Variants in SLC35D1 observed in about 807,000 individuals in gnomAD.
SLC35D1 encodes the protein nucleotide sugar transporter SLC35D1.
A neutral mutation model predicts 46.7 loss-of-function variants in SLC35D1; 31 were observed. The ratio of observed to expected loss-of-function variants is 0.66; its 90% CI spans 0.50 to 0.90. The LOEUF is 0.90. Among genes scored for constraint, SLC35D1 ranks in the 40% least tolerant of loss-of-function variants. SLC35D1 has a pLI of 0.00. For missense variants in SLC35D1, 397 were observed against 426.2 expected (o/e 0.93, Z 0.60); for synonymous variants, 195 against 164.6 (o/e 1.18, Z -1.41).
intron 8 of SLC35D1, chr1:67,031,994 TAA>T (rs1456118300): frequency 1.1e-6 from 1 of 909,848 alleles, no homozygotes; most frequent in Non-Finnish European, 1.3e-6. Flanking sequence ...AAAGCTCTGA[TAA>T]AGAGCCATTG....
chr1:67,049,032 C>T (rs547379252), intron 6 of SLC35D1, among the ~76,000 whole-genome samples: 17 of 152,306 alleles, frequency 1.1e-4, no homozygotes, highest in East Asian at 7.7e-4. Flanking sequence ...CGGTGGCTCA[C>T]GCCTGTAATC....
At chr1:67,016,339 C>A (rs933426950) in intron 10 of SLC35D1, among the ~76,000 whole-genome samples, 2 of 151,988 alleles carry the variant, frequency 1.3e-5, no homozygotes, top group Non-Finnish European at 2.9e-5. Context: ...AGTTTACAAT[C>A]GGTAGAGTCC....
At chr1:67,009,457 G>T (rs1667519491) in intron 10 of SLC35D1, among the ~76,000 whole-genome samples, 3 of 152,138 alleles carry the variant, frequency 2.0e-5, no homozygotes, top group Admixed American at 2.0e-4. Flanking sequence ...TTGGACAAAG[G>T]TCTAATATCC....
chr1:67,006,966 A>C (rs1472386585), intron 11 of SLC35D1, among the ~76,000 whole-genome samples: 2 of 152,198 alleles, frequency 1.3e-5, no homozygotes, highest in Non-Finnish European at 2.9e-5. Flanking sequence ...GACCCTGGGC[A>C]AATTAATTAA....
chr1:67,032,639 C>A (rs1160738246), intron 8 of SLC35D1, among the ~76,000 whole-genome samples: 1 of 152,154 alleles, frequency 6.6e-6, no homozygotes, highest in Non-Finnish European at 1.5e-5. Context: ...CGAGATCGCA[C>A]CATTGCACTC....
At chr1:67,019,032 T>C (rs1570616776) in intron 10 of SLC35D1, among the ~76,000 whole-genome samples, 1 of 152,234 alleles carries the variant, frequency 6.6e-6, no homozygotes, top group East Asian at 1.9e-4. Flanking sequence ...GTTCTTGGAC[T>C]ACTGTGAGGA....
chr1:66,998,393 G>T (rs894391632), downstream of SLC35D1, among the ~76,000 whole-genome samples: 1 of 152,150 alleles, frequency 6.6e-6, no homozygotes, highest in Non-Finnish European at 1.5e-5. Context: ...AGAGGCTAAG[G>T]CAGGAGAATC....
intron 8 of SLC35D1, among the ~76,000 whole-genome samples, chr1:67,028,923 T>C (rs952708560): frequency 6.6e-6 from 1 of 152,196 alleles, no homozygotes; most frequent in Non-Finnish European, 1.5e-5. Flanking sequence ...AGCTTTCTTT[T>C]CTCTTCTCAT....
chr1:67,036,231 T>C (rs537649543), intron 8 of SLC35D1, among the ~76,000 whole-genome samples: 1 of 152,302 alleles, frequency 6.6e-6, no homozygotes, highest in East Asian at 1.9e-4. Flanking sequence ...CCAATGTTTC[T>C]TTGTTGACTT....
intron 10 of SLC35D1, among the ~76,000 whole-genome samples, chr1:67,012,699 A>G (rs1195493813): frequency 6.6e-6 from 1 of 152,194 alleles, no homozygotes; most frequent in African/African-American, 2.4e-5. Flanking sequence ...ATCTGACCTA[A>G]AACAAAGTTA....
intron 6 of SLC35D1, 141 bp from the exon 7 acceptor site, chr1:67,047,508 C>G (rs749277607): frequency 1.7e-4 from 132 of 765,022 alleles, no homozygotes; most frequent in Non-Finnish European, 2.8e-4. Context: ...ACTAGTATTT[C>G]TTGATTTCTG....
At position 67,003,420 on chromosome 1, in the gene SLC35D1, G is replaced by C. The variant is rs191959787; in HGVS notation, c.*920C>G. The C allele has an allele frequency of 2.0e-5, 3 of 152,402 alleles. No individual in the cohort carries two copies. In the East Asian group the frequency reaches 5.7e-4, roughly 29 times the overall value. 9.4% of individuals were successfully genotyped at this position (152,402 alleles called of 1,614,324 possible). A position where few individuals can be genotyped will look rare whatever the true frequency, so the allele number is the denominator to read the frequency against. ...CACTATTGCCGGGTAGGTAGGGCAG[G>C]TGTTCTTAATCCAATTTACAGATTT... On this transcript the variant is annotated 3_prime_UTR_variant, in exon 12 of 12. Coordinates refer to ENST00000235345, the MANE Select transcript of SLC35D1 (RefSeq NM_015139.3).
At chr1:67,020,249 C>A in intron 10 of SLC35D1, 120 bp downstream of exon 10, 2 of 713,654 alleles carry the variant, frequency 2.8e-6, no homozygotes, top group Non-Finnish European at 5.1e-6. Context: ...ATTTGTCAAA[C>A]TAAGACAGTA....
At chr1:67,043,160 C>CTTT (rs1414470466) in intron 7 of SLC35D1, among the ~76,000 whole-genome samples, 1 of 150,474 alleles carries the variant, frequency 6.6e-6, no homozygotes, top group African/African-American at 2.4e-5. Context: ...CACCATTGCA[C>CTTT]TTTAGCCTGG....
At chr1:66,981,148 C>G in the SLC35D1 span, among the ~76,000 whole-genome samples, 18 of 152,254 alleles carry the variant, frequency 1.2e-4, no homozygotes, top group East Asian at 3.3e-3. Flanking sequence ...AGACAAATCT[C>G]TATCCCAGAT....
chr1:66,985,162 CTTTAG>C, the SLC35D1 span: 20 of 1,017,902 alleles, frequency 2.0e-5, no homozygotes, highest in Non-Finnish European at 2.4e-5. Flanking sequence ...ATTTGAATAT[CTTTAG>C]TTCATTCAGA....
At chr1:66,981,021 GT>G in the SLC35D1 span, among the ~76,000 whole-genome samples, 16 of 152,154 alleles carry the variant, frequency 1.1e-4, no homozygotes, top group African/African-American at 3.6e-4. Flanking sequence ...TATTCTAGTG[GT>G]TTAGTAGCAC....
the SLC35D1 span, among the ~76,000 whole-genome samples, chr1:66,990,915 C>T: frequency 6.6e-6 from 1 of 152,132 alleles, no homozygotes; most frequent in Non-Finnish European, 1.5e-5. Flanking sequence ...ACACCCACAT[C>T]CAAGCACAGT....
At chr1:67,034,444 T>C (rs1452125989) in intron 8 of SLC35D1, among the ~76,000 whole-genome samples, 2 of 152,202 alleles carry the variant, frequency 1.3e-5, no homozygotes, top group Non-Finnish European at 2.9e-5. Flanking sequence ...TTTTATTTCA[T>C]TTGTAGCTAT....
Sources: gnomAD v4.1 joint callset for allele counts (sites outside exome capture counted in the v4.1 genomes callset) on GRCh38, gnomAD v4.1.1 for gene constraint, MANE v1.5 for transcripts, NCBI Gene and HGNC (gene_info 2026-07-23, HGNC 2026-07-21) for gene names.